The following RNASEH1 variants were observed in gnomAD, a reference collection of about 807,000 sequenced individuals.
The protein encoded by RNASEH1 is ribonuclease H1.
In RNASEH1, 27 loss-of-function variants were observed where a neutral mutation model predicts 34.6. The observed-to-expected ratio is 0.78, with a 90% CI of 0.58 to 1.08. The LOEUF (loss-of-function observed/expected upper bound fraction) is 1.08, where lower values mean the gene tolerates loss of function less well. Among genes scored for constraint, RNASEH1 ranks in the 50% least tolerant of loss-of-function variants. The pLI is 0.00. For missense variants in RNASEH1, 349 were observed against 373.6 expected, an observed-to-expected ratio of 0.93 and a Z score of 0.54; for synonymous variants, 162 against 138.4, an observed-to-expected ratio of 1.17 and a Z score of -1.20.
downstream of RNASEH1, among the ~76,000 whole-genome samples, chr2:3,537,319 G>A (rs1668036378): frequency 6.6e-6 from 1 of 152,200 alleles, no homozygotes; most frequent in African/African-American, 2.4e-5. Flanking sequence ...GCTGGTCAGA[G>A]TCCCACAGCA....
intron 2 of RNASEH1, among the ~76,000 whole-genome samples, chr2:3,553,842 G>A (rs371717034): frequency 3.3e-5 from 5 of 152,124 alleles, no homozygotes; most frequent in Admixed American, 6.6e-5. Context: ...TATCAGCTGC[G>A]AACTCCGTCA....
At position 3,541,524 on chromosome 2, in the gene RNASEH1, T is replaced by C. The variant is rs1668306103; in HGVS notation, c.*4261A>G. On this transcript the variant is annotated 3_prime_UTR_variant, in exon 8 of 8. Coordinates refer to ENST00000315212, the MANE Select transcript of RNASEH1 (RefSeq NM_002936.6). ...ACAGGTAAATAAATAAACTGTGGTA[T>C]ATCCATGCAATACAAAATGTGGATT... is the stretch of plus-strand genomic sequence containing the variant. Among the ~76,000 whole-genome samples the C allele has an allele frequency of 6.6e-6, 1 of 152,232 alleles. No homozygotes were observed. The highest frequency in any genetic ancestry group is 1.5e-5 in the Non-Finnish European group (1 of 68,040).
At chr2:3,538,379 T>A (rs904053875), downstream of RNASEH1, among the ~76,000 whole-genome samples, 1 of 151,276 alleles carries the variant, frequency 6.6e-6, no homozygotes, top group Non-Finnish European at 1.5e-5. Context: ...TATATATATA[T>A]AAAAGATAAA....
rs1310703445 is a variant in RNASEH1 at position 3,543,793 on chromosome 2, C to T, written c.*1992G>A. Among the ~76,000 whole-genome samples the T allele has an allele frequency of 6.6e-6, 1 of 152,030 alleles. No homozygotes were observed. Among genetic ancestry groups the T allele is most frequent in the Non-Finnish European group, 1.5e-5 (1 of 68,002 alleles). ...ACCCACCTGATTTTATTTTAATTTTCTGTAGAGACAGGGTGTCACTATGTT... is the reference window on the plus strand; with the variant it reads ...ACCCACCTGATTTTATTTTAATTTTTTGTAGAGACAGGGTGTCACTATGTT... On this transcript the variant is annotated 3_prime_UTR_variant, in exon 8 of 8. Coordinates refer to ENST00000315212, the MANE Select transcript of RNASEH1 (RefSeq NM_002936.6).
chr2:3,546,228 T>A (rs1209378941), intron 7 of RNASEH1, among the ~76,000 whole-genome samples: 1 of 152,206 alleles, frequency 6.6e-6, no homozygotes, highest in Non-Finnish European at 1.5e-5. Context: ...TCCCTTGCAG[T>A]GCTGTCAGAA....
the RNASEH1 span, chr2:3,532,014 C>G: frequency 1.9e-6 from 1 of 525,428 alleles, no homozygotes; most frequent in Non-Finnish European, 3.4e-6. Flanking sequence ...AAGGTTTATT[C>G]CATTTGGCCA....
intron 2 of RNASEH1, among the ~76,000 whole-genome samples, chr2:3,555,767 C>A (rs1287439774): frequency 6.6e-6 from 1 of 151,894 alleles, no homozygotes; most frequent in African/African-American, 2.4e-5. Flanking sequence ...AAGTCGTCAC[C>A]CTGCTCATCT....
rs1458118847 is a variant in RNASEH1 at position 3,550,329 on chromosome 2, GTT to G, written c.509+42_509+43del. On this transcript the variant is annotated intron_variant, in intron 4 of 7. Coordinates refer to ENST00000315212, the MANE Select transcript of RNASEH1 (RefSeq NM_002936.6). Reference sequence around the variant, plus strand: ...CAGATCCCGCCTCATCTTTTCACAAGTTGTGGAACATGATTCAGTAAAACTCA... The same window carrying G: ...CAGATCCCGCCTCATCTTTTCACAAGGTGGAACATGATTCAGTAAAACTCA... 2.8e-6 allele frequency: 4 copies of G among 1,446,988 alleles called. No individual in the cohort carries two copies. The African/African-American group carries it at 5.6e-5, about 20-fold the overall frequency. 89.6% of individuals were successfully genotyped at this position (1,446,988 alleles called of 1,614,324 possible). A position where few individuals can be genotyped will look rare whatever the true frequency, so the allele number is the denominator to read the frequency against.
the RNASEH1 span, among the ~76,000 whole-genome samples, chr2:3,535,986 C>A: frequency 6.6e-6 from 1 of 152,216 alleles, no homozygotes; most frequent in Non-Finnish European, 1.5e-5. Context: ...GTCCCGGCCA[C>A]GAGAGAGCCA....
At chr2:3,550,073 G>A (rs1669137976) in intron 4 of RNASEH1, 1 of 297,344 alleles carries the variant, frequency 3.4e-6, no homozygotes, top group South Asian at 4.2e-5. Flanking sequence ...AGCCCAGAAG[G>A]TGAAGTCTGC....
At chr2:3,557,981 G>A in intron 1 of RNASEH1, 152 bp downstream of exon 1, 1 of 1,491,402 alleles carries the variant, frequency 6.7e-7, no homozygotes, top group Non-Finnish European at 9.0e-7. Context: ...CGCCGGCCGA[G>A]CAGGAAAACG....
In RNASEH1 at chr2:3,544,949, A is replaced by T. The variant is rs1668604259; in HGVS notation, c.*836T>A. On this transcript the variant is annotated 3_prime_UTR_variant, in exon 8 of 8. Transcript: ENST00000315212. ...GCCACCACACCTGGATAATTTTTGT[A>T]ATTTTAGTAGAGACAGGGTTTCGTC... The T allele has an allele frequency of 6.6e-6, 1 of 151,728 alleles. No homozygotes were observed. The highest frequency in any genetic ancestry group is 2.4e-5 in the African/African-American group (1 of 41,276). 9.4% of individuals were successfully genotyped at this position (151,728 alleles called of 1,614,324 possible). A position where few individuals can be genotyped will look rare whatever the true frequency, so the allele number is the denominator to read the frequency against.
In RNASEH1 at chr2:3,545,731, A is replaced by G. The variant is rs1668681037; in HGVS notation, c.*54T>C. ...GGCTATTTTCCACACCAGTAAGTAC[A>G]GGCAGCAAGACAGCCGCTGGCTCAA... On this transcript the variant is annotated 3_prime_UTR_variant, in exon 8 of 8. Transcript: ENST00000315212. 4 of 1,208,098 alleles carry G rather than the reference A, an allele frequency of 3.3e-6. No individual in the cohort carries two copies. Among genetic ancestry groups the G allele is most frequent in the Non-Finnish European group, 4.9e-6 (4 of 809,260 alleles). The allele number at this position is 1,208,098 out of a possible 1,614,324, so 74.8% of individuals were successfully genotyped here.
At chr2:3,555,296 C>T (rs1444869747) in intron 2 of RNASEH1, among the ~76,000 whole-genome samples, 1 of 152,196 alleles carries the variant, frequency 6.6e-6, no homozygotes, top group Admixed American at 6.5e-5. Flanking sequence ...CTTGCTGGCT[C>T]TCGGAAAAAA....
intron 7 of RNASEH1, among the ~76,000 whole-genome samples, chr2:3,546,119 T>G (rs188847967): frequency 6.6e-6 from 1 of 152,374 alleles, no homozygotes; most frequent in East Asian, 1.9e-4. Flanking sequence ...ATGTTGCTAT[T>G]TCCTCCCCAC....
At chr2:3,539,537 T>C (rs1269393856), downstream of RNASEH1, among the ~76,000 whole-genome samples, 2 of 152,194 alleles carry the variant, frequency 1.3e-5, no homozygotes, top group South Asian at 2.1e-4. Flanking sequence ...CTGGCCAGCA[T>C]AGTCAACGCC....
chr2:3,540,306 T>C (rs530263336), downstream of RNASEH1, among the ~76,000 whole-genome samples: 61 of 123,570 alleles, frequency 4.9e-4, no homozygotes, highest in African/African-American at 2.2e-3. Flanking sequence ...TATTTTCTTT[T>C]AATAAAAAAA....
intron 7 of RNASEH1, among the ~76,000 whole-genome samples, chr2:3,546,430 G>C (rs1668759615): frequency 6.6e-6 from 1 of 152,086 alleles, no homozygotes; most frequent in Non-Finnish European, 1.5e-5. Context: ...TTTAAAAAGT[G>C]CTTCCATCTT....
intron 2 of RNASEH1, among the ~76,000 whole-genome samples, chr2:3,552,812 A>G (rs1269616511): frequency 6.6e-6 from 1 of 152,040 alleles, no homozygotes; most frequent in East Asian, 1.9e-4. Context: ...CCCGGCCAAC[A>G]TAGTGAGACC....
Sources: allele counts gnomAD v4.1 joint callset (sites outside exome capture counted in the v4.1 genomes callset), GRCh38; gene constraint gnomAD v4.1.1; transcripts MANE v1.5; gene names NCBI Gene and HGNC (gene_info 2026-07-23, HGNC 2026-07-21).